Variants in CLNK observed in about 807,000 individuals in gnomAD.
The protein encoded by CLNK is cytokine dependent hematopoietic cell linker.
Under a neutral mutation model 68.6 loss-of-function variants are expected in CLNK, and 74 were observed. That is an observed-to-expected ratio of 1.08 (90% CI 0.89 to 1.31). CLNK has a LOEUF of 1.31. Among genes scored for constraint, CLNK ranks in the 50% most tolerant of loss-of-function variants. CLNK has a pLI of 0.00. For missense variants in CLNK, 553 were observed against 515.3 expected (o/e 1.07, Z -0.71); for synonymous variants, 198 against 172.2 (o/e 1.15, Z -1.17).
intron 2 of CLNK, among the ~76,000 whole-genome samples, chr4:10,615,603 C>T (rs1039861810): frequency 6.6e-6 from 1 of 152,164 alleles, no homozygotes; most frequent in African/African-American, 2.4e-5. Flanking sequence ...GTTCTCCATG[C>T]ACCTGCTCCA....
At chr4:10,579,864 T>C (rs1356872241) in intron 4 of CLNK, among the ~76,000 whole-genome samples, 1 of 152,102 alleles carries the variant, frequency 6.6e-6, no homozygotes, top group East Asian at 1.9e-4. Flanking sequence ...GGAGGGCCAG[T>C]TTTATTCACG....
chr4:10,612,824 AG>A (rs1356505573), intron 2 of CLNK, among the ~76,000 whole-genome samples: 3 of 152,216 alleles, frequency 2.0e-5, no homozygotes, highest in Non-Finnish European at 4.4e-5. Context: ...TGTGTTCCCC[AG>A]GGACTGTTTA....
intron 7 of CLNK, 71 bp from the exon 8 acceptor site, chr4:10,558,523 T>C: frequency 6.9e-7 from 1 of 1,440,798 alleles, no homozygotes; most frequent in Non-Finnish European, 9.8e-7. Flanking sequence ...CTTGACACTC[T>C]CTGTGGTTAG....
At chr4:10,733,511 T>C in the CLNK span, among the ~76,000 whole-genome samples, 3 of 152,250 alleles carry the variant, frequency 2.0e-5, no homozygotes, top group Admixed American at 2.0e-4. Flanking sequence ...GGACTTTTTT[T>C]CCAAGTTAGG....
chr4:10,562,559 C>A (rs942444630), intron 7 of CLNK, among the ~76,000 whole-genome samples: 3 of 152,118 alleles, frequency 2.0e-5, no homozygotes, highest in Non-Finnish European at 2.9e-5. Context: ...GCACCCACCA[C>A]CACACCCGGC....
chr4:10,700,610 A>G, the CLNK span, among the ~76,000 whole-genome samples: 3 of 152,210 alleles, frequency 2.0e-5, no homozygotes, highest in Middle Eastern at 3.2e-3. Context: ...TTTCTTAGTT[A>G]TGCAGCTCAA....
Position 10,542,287 on chromosome 4 carries a change from C to T in CLNK, c.446-7G>A. Reference sequence around the variant, plus strand: ...TTTCTTACGGATGCATCTCCTAAAACATAAGAGGGAATAGCAGTGAATTTA... The same window carrying T: ...TTTCTTACGGATGCATCTCCTAAAATATAAGAGGGAATAGCAGTGAATTTA... On this transcript the variant is annotated splice_region_variant and splice_polypyrimidine_tract_variant and intron_variant, in intron 8 of 18. Coordinates refer to ENST00000226951, the MANE Select transcript of CLNK (RefSeq NM_052964.4). 3 of 1,530,102 alleles carry T rather than the reference C, an allele frequency of 2.0e-6. No homozygotes were observed. The highest frequency in any genetic ancestry group is 2.7e-6 in the Non-Finnish European group (3 of 1,118,972). 94.8% of individuals were successfully genotyped at this position (1,530,102 alleles called of 1,614,324 possible). A position where few individuals can be genotyped will look rare whatever the true frequency, so the allele number is the denominator to read the frequency against.
intron 1 of CLNK, among the ~76,000 whole-genome samples, chr4:10,671,023 C>A (rs1023934652): frequency 1.3e-5 from 2 of 152,160 alleles, no homozygotes; most frequent in Admixed American, 6.5e-5. Context: ...TTGAGAGATG[C>A]AAGCACTTTA....
chr4:10,629,176 G>T (rs534146507), intron 2 of CLNK, among the ~76,000 whole-genome samples: 1 of 152,210 alleles, frequency 6.6e-6, no homozygotes, highest in East Asian at 1.9e-4. Flanking sequence ...CATTCTGAGG[G>T]CTCCCGTGTC....
At chr4:10,659,511 A>G (rs769774880) in intron 2 of CLNK, among the ~76,000 whole-genome samples, 1 of 152,240 alleles carries the variant, frequency 6.6e-6, no homozygotes, top group Non-Finnish European at 1.5e-5. Flanking sequence ...CTTCTATTGA[A>G]GTATTTGTTC....
At chr4:10,570,866 T>C (rs1275752378) in intron 5 of CLNK, among the ~76,000 whole-genome samples, 2 of 152,218 alleles carry the variant, frequency 1.3e-5, no homozygotes, top group Non-Finnish European at 2.9e-5. Context: ...ATAAAATGGA[T>C]GTATCAAGAT....
chr4:10,689,465 T>A (rs566589429), upstream of CLNK, among the ~76,000 whole-genome samples: 105 of 152,222 alleles, frequency 6.9e-4, no homozygotes, highest in African/African-American at 2.3e-3. Context: ...CAAGACAAAT[T>A]TAAATGAAGA....
intron 2 of CLNK, among the ~76,000 whole-genome samples, chr4:10,600,629 G>T (rs1424469376): frequency 6.6e-6 from 1 of 152,200 alleles, no homozygotes; most frequent in Admixed American, 6.5e-5. Flanking sequence ...CTGGCTAACT[G>T]ACCCTGCCTG....
chr4:10,535,839 A>G (rs1460493772), intron 11 of CLNK, among the ~76,000 whole-genome samples: 1 of 152,174 alleles, frequency 6.6e-6, no homozygotes, highest in Non-Finnish European at 1.5e-5. Context: ...TTTAAGTTGA[A>G]AAAAATGAGC....
At chr4:10,569,276 G>C (rs565932849) in intron 5 of CLNK, among the ~76,000 whole-genome samples, 6 of 143,300 alleles carry the variant, frequency 4.2e-5, no homozygotes, top group Non-Finnish European at 9.0e-5. Context: ...CACAACATTT[G>C]AGGGTGGGGT....
chr4:10,690,257 C>T, the CLNK span, among the ~76,000 whole-genome samples: 1 of 152,148 alleles, frequency 6.6e-6, no homozygotes, highest in Non-Finnish European at 1.5e-5. Flanking sequence ...ACCACCCTGA[C>T]TAAACCATCC....
the CLNK span, among the ~76,000 whole-genome samples, chr4:10,698,149 T>C: frequency 6.6e-6 from 1 of 152,208 alleles, no homozygotes; most frequent in South Asian, 2.1e-4. Context: ...ATTCCTTGTC[T>C]ATATAGTCAT....
At chr4:10,535,247 G>GAAAGAAAGA (rs1718709885) in intron 11 of CLNK, among the ~76,000 whole-genome samples, 2 of 122,350 alleles carry the variant, frequency 1.6e-5, no homozygotes, top group East Asian at 2.3e-4. Flanking sequence ...AAGAAAGAAA[G>GAAAGAAAGA]AAAGAAAGAA....
chr4:10,521,187 A>G (rs1169937654), intron 14 of CLNK, among the ~76,000 whole-genome samples: 2 of 152,246 alleles, frequency 1.3e-5, no homozygotes, highest in African/African-American at 2.4e-5. Context: ...CTCATAATCT[A>G]TAGAAACTAT....
Sources: allele counts gnomAD v4.1 joint callset (sites outside exome capture counted in the v4.1 genomes callset), GRCh38; gene constraint gnomAD v4.1.1; transcripts MANE v1.5; gene names NCBI Gene and HGNC (gene_info 2026-07-23, HGNC 2026-07-21).